HTR2C: variants seen among roughly 807,000 people sequenced by gnomAD.
HTR2C encodes the protein 5-hydroxytryptamine (serotonin) receptor 2C, G protein-coupled.
A neutral mutation model predicts 21.0 loss-of-function variants in HTR2C; 5 were observed. The ratio of observed to expected loss-of-function variants is 0.24; its 90% confidence interval spans 0.12 to 0.50. HTR2C has a LOEUF of 0.50. Among genes scored for constraint, HTR2C ranks in the 20% least tolerant of loss-of-function variants. The pLI is 0.98. For missense variants in HTR2C, 271 were observed against 371.2 expected, an observed-to-expected ratio of 0.73 and a Z score of 2.22; for synonymous variants, 150 against 145.3, an observed-to-expected ratio of 1.03 and a Z score of -0.23.
Position 114,852,651 on chromosome X carries a change from C to T in HTR2C, c.550+4448C>T, listed in dbSNP as rs782123003. Among the ~76,000 whole-genome samples the T allele has an allele frequency of 4.5e-5, 5 of 111,078 alleles. No individual in the cohort carries two copies. The South Asian group carries it at 1.5e-3, about 34-fold the overall frequency. On this transcript the variant is annotated intron_variant, in intron 5 of 5. Transcript: ENST00000276198. ...GCTAAATTCATTCTATTATTTTTTA[C>T]ACTCACTAATAATAGATTGTGTTGA...
chrX:114,833,427 G>A (rs1569498145), intron 4 of HTR2C, among the ~76,000 whole-genome samples: 1 of 110,870 alleles, frequency 9.0e-6, no homozygotes, highest in Non-Finnish European at 1.9e-5. Context: ...GTTTAGTCTT[G>A]TGAGAGTGTA....
chrX:114,670,810 T>C (rs1556411566), intron 2 of HTR2C, among the ~76,000 whole-genome samples: 1 of 112,593 alleles, frequency 8.9e-6, no homozygotes, highest in Non-Finnish European at 1.9e-5. Flanking sequence ...TGTGTTTGCC[T>C]TTAGGCAGTT....
intron 2 of HTR2C, among the ~76,000 whole-genome samples, chrX:114,634,777 A>G: frequency 9.0e-6 from 1 of 111,146 alleles, no homozygotes. Flanking sequence ...ACATTACTGC[A>G]TTCCAGCCTG....
At chrX:114,591,483 C>G (rs1043081833) in intron 1 of HTR2C, among the ~76,000 whole-genome samples, 18 of 111,678 alleles carry the variant, frequency 1.6e-4, no homozygotes, top group African/African-American at 5.5e-4. Flanking sequence ...GACTTGCTCT[C>G]CAAAGTATTA....
chrX:114,848,191 G>C lies in HTR2C; in HGVS notation c.538G>C (p.Ala180Pro). ...CATCATGAAGATTGCTATTGTTTGG[G>C]CAATTTCTATAGGTAAATAAAACTT... ...KAIMKIAIVWAISIGVSVPIP... is the reference protein window; with the variant it reads ...KAIMKIAIVWPISIGVSVPIP... The change falls in exon 5 of 6, where the codon GCA becomes CCA. Residue 180 changes from alanine (A) to proline (P), a missense_variant. Transcript: ENST00000276198. 1 of 1,206,299 alleles carries C rather than the reference G, an allele frequency of 8.3e-7. No homozygotes were observed. Among genetic ancestry groups the C allele is most frequent in the Non-Finnish European group, 1.1e-6 (1 of 891,229 alleles).
At position 114,907,528 on chromosome X, in the gene HTR2C, T is replaced by C. The variant is rs1261678668; in HGVS notation, c.*113T>C. 1.8e-6 allele frequency: 1 copy of C among 548,569 alleles called. No individual in the cohort carries two copies. Among genetic ancestry groups the C allele is most frequent in the East Asian group, 3.5e-5 (1 of 28,823 alleles). 45.2% of individuals were successfully genotyped at this position (548,569 alleles called of 1,213,427 possible). A position where few individuals can be genotyped will look rare whatever the true frequency, so the allele number is the denominator to read the frequency against. On this transcript the variant is annotated 3_prime_UTR_variant, in exon 6 of 6. Coordinates refer to ENST00000276198, the MANE Select transcript of HTR2C (RefSeq NM_000868.4). Reference sequence around the variant, plus strand: ...GTAAATATTGCTGTCTGAAAAAGTGTTTTTACATATAGCTTTGCAACCTTG... The same window carrying C: ...GTAAATATTGCTGTCTGAAAAAGTGCTTTTACATATAGCTTTGCAACCTTG...
intron 2 of HTR2C, chrX:114,715,305 A>G (rs1556419646): frequency 2.6e-6 from 1 of 383,973 alleles, no homozygotes; most frequent in Non-Finnish European, 5.2e-6. Context: ...CAATAAATAC[A>G]TCTGGGCAAC....
At chrX:114,725,853 G>A (rs1602722243) in intron 2 of HTR2C, among the ~76,000 whole-genome samples, 1 of 109,969 alleles carries the variant, frequency 9.1e-6, no homozygotes, top group South Asian at 4.0e-4. Context: ...GAACCCACTT[G>A]AGGAGGCAGT....
intron 5 of HTR2C, among the ~76,000 whole-genome samples, chrX:114,872,215 TA>T (rs2071098006): frequency 9.0e-6 from 1 of 111,185 alleles, no homozygotes; most frequent in Non-Finnish European, 1.9e-5. Context: ...TTATTCTAGC[TA>T]ATCTAGTTAA....
chrX:114,827,977 TA>T (rs2070692053), intron 4 of HTR2C, among the ~76,000 whole-genome samples: 1 of 110,846 alleles, frequency 9.0e-6, no homozygotes, highest in African/African-American at 3.3e-5. Context: ...CTTAAATCTG[TA>T]AATTTTTTCC....
chrX:114,721,645 T>A (rs1453359025), intron 2 of HTR2C, among the ~76,000 whole-genome samples: 1 of 109,310 alleles, frequency 9.1e-6, no homozygotes, highest in Non-Finnish European at 1.9e-5. Context: ...GTTTTTATGG[T>A]TTTAGGTCTA....
At position 114,607,344 on chromosome X, in the gene HTR2C, A is replaced by T. The variant is rs76041344; in HGVS notation, c.-146-6471A>T. ...GGTGTGGAGTTTCTTCTTCTTGGCC[A>T]TTTATTGGATACTTAAAGACTTGAC... is the stretch of plus-strand genomic sequence containing the variant. On this transcript the variant is annotated intron_variant, in intron 1 of 5. Transcript: ENST00000276198. 7.2e-5 allele frequency among the ~76,000 whole-genome samples: 8 copies of T among 111,600 alleles called. No homozygotes were observed. The East Asian group carries it at 2.3e-3, about 32-fold the overall frequency.
intron 5 of HTR2C, among the ~76,000 whole-genome samples, chrX:114,866,693 A>G (rs1253433280): frequency 1.8e-5 from 2 of 109,074 alleles, no homozygotes; most frequent in East Asian, 2.9e-4. Context: ...TTTCTACTCT[A>G]TGTCCATGGG....
intron 2 of HTR2C, among the ~76,000 whole-genome samples, chrX:114,722,941 A>G (rs1933285298): frequency 9.0e-6 from 1 of 110,775 alleles, no homozygotes; most frequent in Non-Finnish European, 1.9e-5. Context: ...GGATTTTTGC[A>G]TCAATGTTCA....
chrX:114,588,175 T>C (rs1341032233), intron 1 of HTR2C, among the ~76,000 whole-genome samples: 1 of 111,933 alleles, frequency 8.9e-6, no homozygotes, highest in Non-Finnish European at 1.9e-5. Flanking sequence ...TAATTATGGT[T>C]AACCTTATGC....
At chrX:114,871,755 C>T (rs2071093560) in intron 5 of HTR2C, among the ~76,000 whole-genome samples, 1 of 107,587 alleles carries the variant, frequency 9.3e-6, no homozygotes, top group Non-Finnish European at 1.9e-5. Context: ...TTTAGACATT[C>T]GATAAATTTC....
intron 4 of HTR2C, among the ~76,000 whole-genome samples, chrX:114,791,450 A>G (rs1478039859): frequency 8.9e-6 from 1 of 111,857 alleles, no homozygotes; most frequent in East Asian, 2.8e-4. Flanking sequence ...TTGCATTGGT[A>G]TGAGGGAGAG....
At chrX:114,881,449 A>C (rs1167440677) in intron 5 of HTR2C, among the ~76,000 whole-genome samples, 1 of 109,426 alleles carries the variant, frequency 9.1e-6, no homozygotes, top group Non-Finnish European at 1.9e-5. Context: ...TTTTCATCTA[A>C]AAGTTGTACA....
intron 2 of HTR2C, among the ~76,000 whole-genome samples, chrX:114,629,953 C>T (rs1556403813): frequency 9.0e-6 from 1 of 110,731 alleles, no homozygotes. Flanking sequence ...TATTTGCTGA[C>T]TTAATGAAGC....
Sources: allele counts gnomAD v4.1 joint callset (sites outside exome capture counted in the v4.1 genomes callset), GRCh38; gene constraint gnomAD v4.1.1; transcripts MANE v1.5; gene names NCBI Gene and HGNC (gene_info 2026-07-23, HGNC 2026-07-21).